NME6: variants seen among roughly 807,000 people sequenced by gnomAD.
NME6 encodes nucleoside diphosphate kinase 6, mitochondrial.
A neutral mutation model predicts 22.2 loss-of-function variants in NME6; 16 were observed. The ratio of observed to expected loss-of-function variants is 0.72; its 90% CI spans 0.49 to 1.09. The LOEUF (loss-of-function observed/expected upper bound fraction) is 1.09. NME6 is among the 50% of genes least tolerant of loss of function. NME6 has a pLI of 0.00. For synonymous variants in NME6, 58 were observed against 85.2 expected, an observed-to-expected ratio of 0.68 and a Z score of 1.76; for missense variants, 229 against 239.0, an observed-to-expected ratio of 0.96 and a Z score of 0.28.
chr3:48,301,207 T>C (rs1168625110), intron 1 of NME6, 146 bp downstream of exon 1: 9 of 1,464,864 alleles, frequency 6.1e-6, no homozygotes, highest in Non-Finnish European at 8.3e-6. Context: ...CCCCCCGGGC[T>C]CACGGCCTCA....
rs920422666 is a variant in NME6, at chr3:48,293,424, G to C, written c.*1213C>G. The stretch of plus-strand genomic sequence containing the variant: ...AATACACATGTACTGAGAAAGAAAA[G>C]TCAAGACCTGTAAGAAGTGTCACAG... On this transcript the variant is annotated 3_prime_UTR_variant, in exon 6 of 6. Coordinates refer to ENST00000442597, the MANE Select transcript of NME6 (RefSeq NM_001308426.2). The C allele has an allele frequency of 6.6e-6, 1 of 152,170 alleles. No homozygotes were observed. Among genetic ancestry groups the C allele is most frequent in the African/African-American group, 2.4e-5 (1 of 41,442 alleles). 9.4% of individuals were successfully genotyped at this position (152,170 alleles called of 1,614,324 possible).
downstream of NME6, among the ~76,000 whole-genome samples, chr3:48,289,518 G>A (rs2034317965): frequency 1.3e-5 from 2 of 152,158 alleles, no homozygotes; most frequent in South Asian, 2.1e-4. Context: ...GTGGAGAGCC[G>A]CAGACACACC....
downstream of NME6, among the ~76,000 whole-genome samples, chr3:48,287,782 C>A (rs1381083400): frequency 6.6e-6 from 1 of 151,996 alleles, no homozygotes. Context: ...CATTGTTCAT[C>A]CTAACAAGAA....
downstream of NME6, among the ~76,000 whole-genome samples, chr3:48,290,261 A>T (rs13068288): frequency 0.25 from 37,801 of 150,956 alleles, 4,977 homozygotes; most frequent in South Asian, 0.28. Context: ...TTAAAAAAAA[A>T]TTTTTTTTTA....
rs1344304158 is a variant in NME6 at position 48,292,361 on chromosome 3, A to AT, written c.*2275dup. On this transcript the variant is annotated 3_prime_UTR_variant, in exon 6 of 6. Transcript: ENST00000442597. Reference sequence around the variant, plus strand: ...GTTTATTCTAGTTTTCTCCCTTTCCATATTTGTGGGAGCCAGGTTTTTATG... The same window carrying AT: ...GTTTATTCTAGTTTTCTCCCTTTCCATTATTTGTGGGAGCCAGGTTTTTATG... 1 of 152,144 alleles carries AT rather than the reference A, an allele frequency of 6.6e-6. No homozygotes were observed. Among genetic ancestry groups the AT allele is most frequent in the Admixed American group, 6.5e-5 (1 of 15,282 alleles). The allele number at this position is 152,144 out of a possible 1,614,324, so 9.4% of individuals were successfully genotyped here. A position where few individuals can be genotyped will look rare whatever the true frequency, so the allele number is the denominator to read the frequency against.
intron 5 of NME6, 28 bp downstream of exon 5, chr3:48,295,047 A>G (rs1292023113): frequency 6.2e-7 from 1 of 1,602,388 alleles, no homozygotes; most frequent in African/African-American, 1.3e-5. Context: ...ACCCCAAAAT[A>G]TCCTATGGCT....
At chr3:48,295,719 T>C (rs191358681) in intron 4 of NME6, 32 of 243,964 alleles carry the variant, frequency 1.3e-4, no homozygotes, top group African/African-American at 2.1e-4. Flanking sequence ...TTTTTTGCTG[T>C]TGTTGTTGTT....
chr3:48,295,875 C>T (rs1274544057), intron 4 of NME6: 15 of 532,534 alleles, frequency 2.8e-5, no homozygotes, highest in East Asian at 1.0e-4. Context: ...GCCACCATGC[C>T]GGGCTAATTT....
In NME6 at chr3:48,295,056, C is replaced by T; in HGVS notation, c.394+19G>A. 6.2e-7 allele frequency: 1 copy of T among 1,611,234 alleles called. No individual in the cohort carries two copies. The highest frequency in any genetic ancestry group is 8.5e-7 in the Non-Finnish European group (1 of 1,178,180). ...CCGCTAACCCCAAAATATCCTATGG[C>T]TATGGACAGGGGACTCACCCGAACC... On this transcript the variant is annotated intron_variant, in intron 5 of 5. Coordinates refer to ENST00000442597, the MANE Select transcript of NME6 (RefSeq NM_001308426.2).
In NME6 at chr3:48,294,315, G is replaced by A. The variant is rs927256417; in HGVS notation, c.*322C>T. 15 of 203,108 alleles carry A rather than the reference G, an allele frequency of 7.4e-5. No homozygotes were observed. Among genetic ancestry groups the A allele is most frequent in the Admixed American group, 4.1e-4 (8 of 19,676 alleles). 12.6% of individuals were successfully genotyped at this position (203,108 alleles called of 1,614,324 possible). A position where few individuals can be genotyped will look rare whatever the true frequency, so the allele number is the denominator to read the frequency against. ...TCTCGAATTCCTGACCTTGTGATCC[G>A]CCTGCCTCGGCCTCCCAAAGTGCTG... On this transcript the variant is annotated 3_prime_UTR_variant, in exon 6 of 6. Coordinates refer to ENST00000442597, the MANE Select transcript of NME6 (RefSeq NM_001308426.2).
intron 1 of NME6, 97 bp downstream of exon 1, chr3:48,301,256 C>T (rs187697393): frequency 2.1e-5 from 34 of 1,583,122 alleles, no homozygotes; most frequent in Admixed American, 3.6e-5. Flanking sequence ...GGCCTGCAAC[C>T]GCGCAGCCCT....
chr3:48,294,998 G>C (rs1472485635), intron 5 of NME6, 77 bp downstream of exon 5: 1 of 1,523,972 alleles, frequency 6.6e-7, no homozygotes, highest in Non-Finnish European at 8.9e-7. Context: ...CTCACTGGAG[G>C]GACCTGGCTG....
At chr3:48,296,047 T>G (rs2035054912) in intron 4 of NME6, 72 bp downstream of exon 4, 2 of 1,054,000 alleles carry the variant, frequency 1.9e-6, no homozygotes, top group East Asian at 4.7e-5. Context: ...GGCAGTGAAA[T>G]GAACAAATCC....
chr3:48,296,310 G>A (rs886222972), intron 3 of NME6, 152 bp from the exon 4 acceptor site: 10 of 1,064,518 alleles, frequency 9.4e-6, no homozygotes, highest in South Asian at 2.8e-5. Flanking sequence ...CTGAATCCAG[G>A]GTCTGCCACT....
intron 1 of NME6, chr3:48,300,477 TG>T: frequency 2.6e-6 from 1 of 390,610 alleles, no homozygotes; most frequent in Non-Finnish European, 5.0e-6. Flanking sequence ...CACAGCTCCT[TG>T]CAAGTTCCCT....
chr3:48,289,900 T>G (rs1221562439), downstream of NME6, among the ~76,000 whole-genome samples: 1 of 152,188 alleles, frequency 6.6e-6, no homozygotes, highest in Non-Finnish European at 1.5e-5. Context: ...AAGACTGTTA[T>G]GAGCTTATAT....
In NME6 at chr3:48,296,135, C is replaced by T. The variant is rs1560001033; in HGVS notation, c.217G>A (p.Val73Met). The T allele has an allele frequency of 1.2e-6, 2 of 1,613,558 alleles. No homozygotes were observed. The highest frequency in any genetic ancestry group is 2.2e-5 in the South Asian group (2 of 91,074). ...HEGRFFYQRL[V>M]EFMASGPIRA... ...TTGAAGTACCTGGCCATGAACTCCA[C>T]CAGCCTCTGATAGAAAAAACGCCCT... The change falls in exon 4 of 6, where the codon GTG becomes ATG. Residue 73 changes from valine to methionine, a missense_variant. Physicochemically the swap from Val to Met is conservative, Grantham distance 21. Transcript: ENST00000442597.
intron 2 of NME6, 76 bp from the exon 3 acceptor site, chr3:48,296,905 T>C (rs1176701253): frequency 8.9e-7 from 1 of 1,126,466 alleles, no homozygotes; most frequent in East Asian, 2.4e-5. Context: ...GAGGACCACT[T>C]GTTGCTCAGG....
At chr3:48,298,876 A>C in intron 1 of NME6, 1 of 675,510 alleles carries the variant, frequency 1.5e-6, no homozygotes. Flanking sequence ...GAGGATTTAC[A>C]ATTTATACTC....
Sources: allele counts gnomAD v4.1 joint callset (sites outside exome capture counted in the v4.1 genomes callset), GRCh38; gene constraint gnomAD v4.1.1; transcripts MANE v1.5; gene names NCBI Gene and HGNC (gene_info 2026-07-23, HGNC 2026-07-21).